Variants in IDI2 observed in about 807,000 individuals in gnomAD.
IDI2 encodes isopentenyl-diphosphate delta-isomerase 2.
A neutral mutation model predicts 14.8 loss-of-function variants in IDI2; 18 were observed. The observed-to-expected ratio is 1.22, with a 90% CI of 0.84 to 1.80. IDI2 has a LOEUF of 1.80. Among genes scored for constraint, IDI2 ranks in the 40% most tolerant of loss-of-function variants. The pLI is 0.00. For synonymous variants in IDI2, 133 were observed against 109.6 expected (o/e 1.21, Z -1.33); for missense variants, 316 against 283.2 (o/e 1.12, Z -0.83).
At chr10:1,024,839 C>T (rs1832184372) in intron 1 of IDI2, 95 bp from the exon 2 acceptor site, 8 of 1,154,690 alleles carry the variant, frequency 6.9e-6, no homozygotes, top group Non-Finnish European at 8.8e-6. Context: ...TTAGCATACA[C>T]CTTCTCTACA....
Position 1,019,191 on chromosome 10 carries a change from C to A in IDI2, c.*326G>T. The A allele has an allele frequency of 4.0e-6, 1 of 252,578 alleles. No individual in the cohort carries two copies. Among genetic ancestry groups the A allele is most frequent in the South Asian group, 5.9e-5 (1 of 16,908 alleles). The allele number at this position is 252,578 out of a possible 1,614,324, so 15.6% of individuals were successfully genotyped here. On this transcript the variant is annotated 3_prime_UTR_variant, in exon 5 of 5. Transcript: ENST00000277517. ...AGCCTCATGGTCCAGCCAGGCTAGT[C>A]CGCCTGCTTCAGGACTCTCAAGATC...
rs918962915 is a variant in IDI2 at position 1,019,202 on chromosome 10, A to G, written c.*315T>C. On this transcript the variant is annotated 3_prime_UTR_variant, in exon 5 of 5. Coordinates refer to ENST00000277517, the MANE Select transcript of IDI2 (RefSeq NM_033261.3). ...CCAGCCAGGCTAGTCCGCCTGCTTCAGGACTCTCAAGATCTCCCCAAGACT... is the reference window on the plus strand; with the variant it reads ...CCAGCCAGGCTAGTCCGCCTGCTTCGGGACTCTCAAGATCTCCCCAAGACT... The G allele has an allele frequency of 1.2e-5, 3 of 260,770 alleles. No homozygotes were observed. Among genetic ancestry groups the G allele is most frequent in the Non-Finnish European group, 2.2e-5 (3 of 134,764 alleles). 16.2% of individuals were successfully genotyped at this position (260,770 alleles called of 1,614,324 possible).
At chr10:1,020,305 C>G (rs979972023) in intron 4 of IDI2, among the ~76,000 whole-genome samples, 1 of 152,056 alleles carries the variant, frequency 6.6e-6, no homozygotes, top group Non-Finnish European at 1.5e-5. Flanking sequence ...TCACTGCAAC[C>G]TCTGACTCCC....
chr10:1,024,346 C>A (rs190412657), intron 2 of IDI2, among the ~76,000 whole-genome samples: 3 of 152,144 alleles, frequency 2.0e-5, no homozygotes, highest in Non-Finnish European at 4.4e-5. Context: ...CAGGATCTTA[C>A]GAGGAAGAGC....
At chr10:1,022,641 G>A (rs952033901) in intron 3 of IDI2, 42 bp downstream of exon 3, 3 of 1,426,376 alleles carry the variant, frequency 2.1e-6, no homozygotes, top group Non-Finnish European at 3.0e-6. Flanking sequence ...CAAGTCACAT[G>A]AGATGCTCTC....
rs1395446821 is a variant in IDI2 at position 1,019,949 on chromosome 10, T to C, written c.367-115A>G. ...CTCAGAAAATGAACACTTTCTTTGG[T>C]AATTGATAATTTCCAAAACCTCGAT... On this transcript the variant is annotated intron_variant, in intron 4 of 4. Coordinates refer to ENST00000277517, the MANE Select transcript of IDI2 (RefSeq NM_033261.3). 22 of 840,476 alleles carry C rather than the reference T, an allele frequency of 2.6e-5. No homozygotes were observed. The East Asian group carries it at 5.4e-4, about 20-fold the overall frequency. The allele number at this position is 840,476 out of a possible 1,614,324, so 52.1% of individuals were successfully genotyped here.
At chr10:1,021,067 C>T (rs1215597441) in intron 3 of IDI2, among the ~76,000 whole-genome samples, 170 bp from the exon 4 acceptor site, 1 of 152,244 alleles carries the variant, frequency 6.6e-6, no homozygotes, top group Non-Finnish European at 1.5e-5. Flanking sequence ...CTCCAGCCTC[C>T]ACGGCTGTGG....
At chr10:1,020,711 G>A (rs1832076956) in intron 4 of IDI2, 56 bp downstream of exon 4, 25 of 1,412,544 alleles carry the variant, frequency 1.8e-5, no homozygotes, top group Middle Eastern at 5.2e-4. Context: ...TTCACCGTCT[G>A]CCCGCTGCCA....
chr10:1,024,772 T>C (rs959510702), intron 1 of IDI2, 28 bp from the exon 2 acceptor site: 1 of 1,609,856 alleles, frequency 6.2e-7, no homozygotes, highest in Non-Finnish European at 8.5e-7. Flanking sequence ...AAATGCCTCT[T>C]TATGTGAAAG....
chr10:1,020,925 C>G, intron 3 of IDI2, 28 bp from the exon 4 acceptor site: 1 of 1,599,630 alleles, frequency 6.3e-7, no homozygotes. Context: ...GGGAACATCC[C>G]TCTTTATTCC....
At chr10:1,021,094 C>T (rs1487133367) in intron 3 of IDI2, among the ~76,000 whole-genome samples, 197 bp from the exon 4 acceptor site, 2 of 152,194 alleles carry the variant, frequency 1.3e-5, no homozygotes, top group African/African-American at 2.4e-5. Flanking sequence ...TGAGGGTCTT[C>T]CACATGACCA....
At position 1,019,524 on chromosome 10, in the gene IDI2, C is replaced by G; in HGVS notation, c.677G>C (p.Arg226Thr). 6.2e-7 allele frequency: 1 copy of G among 1,612,104 alleles called. No individual in the cohort carries two copies. Among genetic ancestry groups the G allele is most frequent in the South Asian group, 1.1e-5 (1 of 90,930 alleles). Reference protein sequence around the residue: ...TPFVELHKIHRV With the variant: ...TPFVELHKIHTV The stretch of plus-strand genomic sequence containing the variant: ...ACTCGACCTCCCTGCCTCTCACACT[C>G]TGTGTATTTTGTGAAGCTCCACAAA... Residue 226 changes from arginine (R) to threonine (T), a missense_variant, in exon 5 of 5, where the codon AGA (arginine) becomes ACA (threonine). Transcript: ENST00000277517.
rs1192836624 is a variant in IDI2 at position 1,024,509 on chromosome 10, T to G, written c.142+73A>C. On this transcript the variant is annotated intron_variant, in intron 2 of 4. Transcript: ENST00000277517. ...CCTAGCCGGAAAGGCCTAGACTCTC[T>G]TCTTAGGTTGCCGTCGGGTGGGAAA... is the stretch of plus-strand genomic sequence containing the variant. 29 of 1,557,248 alleles carry G rather than the reference T, an allele frequency of 1.9e-5. No individual in the cohort carries two copies. The East Asian group carries it at 5.2e-4, about 28-fold the overall frequency.
rs578143320 is a variant in IDI2 at position 1,019,516 on chromosome 10, C to G, written c.*1G>C. On this transcript the variant is annotated 3_prime_UTR_variant, in exon 5 of 5. Coordinates refer to ENST00000277517, the MANE Select transcript of IDI2 (RefSeq NM_033261.3). ...CATGGCTGACTCGACCTCCCTGCCT[C>G]TCACACTCTGTGTATTTTGTGAAGC... The G allele has an allele frequency of 1.1e-5, 18 of 1,610,238 alleles. No homozygotes were observed. Among genetic ancestry groups the G allele is most frequent in the Non-Finnish European group, 1.4e-5 (16 of 1,177,322 alleles).
At chr10:1,022,637 A>C in intron 3 of IDI2, 46 bp downstream of exon 3, 1 of 1,402,254 alleles carries the variant, frequency 7.1e-7, no homozygotes, top group Non-Finnish European at 1.0e-6. Context: ...CGGTCAAGTC[A>C]CATGAGATGC....
At chr10:1,022,509 A>G (rs946373217) in intron 3 of IDI2, 174 bp downstream of exon 3, 2 of 533,102 alleles carry the variant, frequency 3.8e-6, no homozygotes, top group East Asian at 2.9e-5. Context: ...AACCCAGCCT[A>G]CTGAAGAGCT....
At position 1,018,923 on chromosome 10, in the gene IDI2, A is replaced by G. The variant is rs1003508138; in HGVS notation, c.*594T>C. 1 of 152,378 alleles carries G rather than the reference A, an allele frequency of 6.6e-6. No individual in the cohort carries two copies. The highest frequency in any genetic ancestry group is 1.5e-5 in the Non-Finnish European group (1 of 68,178). The allele number at this position is 152,378 out of a possible 1,614,324, so 9.4% of individuals were successfully genotyped here. A position where few individuals can be genotyped will look rare whatever the true frequency, so the allele number is the denominator to read the frequency against. The stretch of plus-strand genomic sequence containing the variant: ...AACAACAGTATGTTTTAAAGCAAGT[A>G]TGTCTTTATTTGTAAGCATATTACT... On this transcript the variant is annotated 3_prime_UTR_variant, in exon 5 of 5. Coordinates refer to ENST00000277517, the MANE Select transcript of IDI2 (RefSeq NM_033261.3).
intron 2 of IDI2, among the ~76,000 whole-genome samples, chr10:1,023,348 T>C (rs1442168684): frequency 1.3e-5 from 2 of 151,836 alleles, no homozygotes; most frequent in South Asian, 2.1e-4. Context: ...TGGTGGCAGG[T>C]GCCTGTAGTC....
Position 1,019,049 on chromosome 10 carries a change from T to C in IDI2, c.*468A>G, listed in dbSNP as rs889003169. 1 of 157,706 alleles carries C rather than the reference T, an allele frequency of 6.3e-6. No individual in the cohort carries two copies. Among genetic ancestry groups the C allele is most frequent in the African/African-American group, 2.4e-5 (1 of 41,460 alleles). 9.8% of individuals were successfully genotyped at this position (157,706 alleles called of 1,614,324 possible). ...GTATTAGGATGCAAGATTGAATGTG[T>C]CTTTTTTTTAAAAATGCAGCCTTGT... On this transcript the variant is annotated 3_prime_UTR_variant, in exon 5 of 5. Transcript: ENST00000277517.
Sources: gnomAD v4.1 joint callset for allele counts (sites outside exome capture counted in the v4.1 genomes callset) on GRCh38, gnomAD v4.1.1 for gene constraint, MANE v1.5 for transcripts, NCBI Gene and HGNC (gene_info 2026-07-23, HGNC 2026-07-21) for gene names.